ZNRF1: variants seen among roughly 807,000 people sequenced by gnomAD.
The protein encoded by ZNRF1 is E3 ubiquitin-protein ligase ZNRF1.
ZNRF1 carries 3 observed loss-of-function variants against 18.4 expected under a neutral mutation model. The ratio of observed to expected loss-of-function variants is 0.16; its 90% CI spans 0.07 to 0.42. The LOEUF (loss-of-function observed/expected upper bound fraction) is 0.42, where lower values mean the gene tolerates loss of function less well. Ranked by LOEUF, ZNRF1 falls within the 10% of genes least tolerant of loss-of-function variation. The probability of loss-of-function intolerance (pLI) is 0.99; values close to 1 mark genes in which losing one functional copy is unlikely to be tolerated. For missense variants in ZNRF1, 310 were observed against 329.8 expected (o/e 0.94, Z 0.47); for synonymous variants, 157 against 144.2 (o/e 1.09, Z -0.64).
intron 1 of ZNRF1, among the ~76,000 whole-genome samples, chr16:75,014,020 C>T (rs535661021): frequency 3.3e-5 from 5 of 151,636 alleles, no homozygotes; most frequent in African/African-American, 7.3e-5. Flanking sequence ...TAGTAGAGGC[C>T]GTGTTTCACC....
intron 1 of ZNRF1, among the ~76,000 whole-genome samples, chr16:75,001,287 A>G (rs1268984005): frequency 6.6e-6 from 1 of 152,106 alleles, no homozygotes. Context: ...CCCCCTGCAA[A>G]TAGCCTGGGG....
intron 2 of ZNRF1, among the ~76,000 whole-genome samples, chr16:75,102,445 G>A (rs2036265037): frequency 6.6e-6 from 1 of 152,128 alleles, no homozygotes; most frequent in African/African-American, 2.4e-5. Flanking sequence ...GGCAGTGTTC[G>A]GGACAGTTAA....
intron 1 of ZNRF1, among the ~76,000 whole-genome samples, chr16:75,080,214 C>T (rs2035992915): frequency 6.6e-6 from 1 of 152,208 alleles, no homozygotes. Context: ...CCGTGCCTGG[C>T]TGAGCTGATG....
intron 1 of ZNRF1, among the ~76,000 whole-genome samples, chr16:75,090,467 C>T (rs1463787661): frequency 6.6e-6 from 1 of 152,160 alleles, no homozygotes; most frequent in Non-Finnish European, 1.5e-5. Flanking sequence ...ATCCTCCCAC[C>T]GTGGCCTCTC....
chr16:75,060,046 G>A (rs943543032), intron 1 of ZNRF1, among the ~76,000 whole-genome samples: 2 of 152,086 alleles, frequency 1.3e-5, no homozygotes, highest in South Asian at 2.1e-4. Flanking sequence ...CCAAGGTGAA[G>A]TGACAGTTTT....
chr16:75,068,477 C>T (rs553291659), intron 1 of ZNRF1, among the ~76,000 whole-genome samples: 5 of 152,254 alleles, frequency 3.3e-5, no homozygotes, highest in South Asian at 2.1e-4. Context: ...ACAGCAGAGT[C>T]GGGAGTGGCA....
chr16:75,103,104 T>C (rs959185278), intron 2 of ZNRF1, among the ~76,000 whole-genome samples: 3 of 152,168 alleles, frequency 2.0e-5, no homozygotes, highest in Non-Finnish European at 1.5e-5. Flanking sequence ...TGCTGTGCCT[T>C]TTGATTTCCT....
chr16:75,008,439 G>T (rs2034951728), intron 1 of ZNRF1, among the ~76,000 whole-genome samples: 1 of 152,036 alleles, frequency 6.6e-6, no homozygotes, highest in Non-Finnish European at 1.5e-5. Context: ...TGGCTCTGGT[G>T]CTACAGAAGG....
intron 1 of ZNRF1, among the ~76,000 whole-genome samples, chr16:75,044,752 G>A (rs767505989): frequency 6.6e-6 from 1 of 152,150 alleles, no homozygotes; most frequent in Non-Finnish European, 1.5e-5. Context: ...TAAGTTATTT[G>A]ATGGACATAC....
chr16:75,006,164 C>T (rs554257564), intron 1 of ZNRF1, among the ~76,000 whole-genome samples: 4 of 152,250 alleles, frequency 2.6e-5, no homozygotes, highest in Admixed American at 2.6e-4. Flanking sequence ...TTTAGACCTC[C>T]ATTGACCACG....
intron 1 of ZNRF1, among the ~76,000 whole-genome samples, chr16:75,068,143 C>T (rs1052270098): frequency 2.1e-5 from 3 of 146,188 alleles, no homozygotes; most frequent in African/African-American, 7.7e-5. Flanking sequence ...CACTTGAGGC[C>T]AGGAATTCAA....
intron 1 of ZNRF1, among the ~76,000 whole-genome samples, chr16:75,064,481 G>C (rs979031795): frequency 6.6e-6 from 1 of 151,800 alleles, no homozygotes; most frequent in African/African-American, 2.4e-5. Context: ...GTTTGAGCCC[G>C]GGGTGCAGAG....
intron 2 of ZNRF1, chr16:75,095,533 A>G (rs1005941280): frequency 7.5e-5 from 108 of 1,433,396 alleles, no homozygotes; most frequent in Middle Eastern, 7.3e-4. Flanking sequence ...TGGAGACCTC[A>G]TGAAGTCCTC....
intron 1 of ZNRF1, among the ~76,000 whole-genome samples, chr16:75,079,509 C>A (rs1210809842): frequency 6.6e-6 from 1 of 151,930 alleles, no homozygotes. Context: ...TCCTTTTGAC[C>A]CATCGGTCAG....
intron 1 of ZNRF1, among the ~76,000 whole-genome samples, chr16:75,012,839 C>T (rs2035016548): frequency 6.6e-6 from 1 of 152,164 alleles, no homozygotes; most frequent in Admixed American, 6.5e-5. Context: ...AGAGTCATGG[C>T]CTGTCTTCTG....
At chr16:75,056,115 C>G (rs2035664446) in intron 1 of ZNRF1, among the ~76,000 whole-genome samples, 1 of 152,184 alleles carries the variant, frequency 6.6e-6, no homozygotes, top group South Asian at 2.1e-4. Context: ...CTGCAGGTGC[C>G]TCTCCCCATA....
At chr16:75,051,716 C>T (rs2035608384) in intron 1 of ZNRF1, among the ~76,000 whole-genome samples, 1 of 152,012 alleles carries the variant, frequency 6.6e-6, no homozygotes, top group South Asian at 2.1e-4. Context: ...TGGGGTTTCA[C>T]CGTGTTGGTC....
chr16:75,055,794 T>C (rs1192760184), intron 1 of ZNRF1, among the ~76,000 whole-genome samples: 1 of 152,284 alleles, frequency 6.6e-6, no homozygotes, highest in African/African-American at 2.4e-5. Context: ...CACTCAGTCT[T>C]GTGGGGGTAG....
intron 1 of ZNRF1, among the ~76,000 whole-genome samples, chr16:75,082,710 T>C (rs2145412524): frequency 6.6e-6 from 1 of 152,302 alleles, no homozygotes; most frequent in South Asian, 2.1e-4. Context: ...TGTGCAACCA[T>C]GCCTGGCTAA....
Sources: allele counts gnomAD v4.1 joint callset (sites outside exome capture counted in the v4.1 genomes callset), GRCh38; gene constraint gnomAD v4.1.1; transcripts MANE v1.5; gene names NCBI Gene and HGNC (gene_info 2026-07-23, HGNC 2026-07-21).